Variants in MAF observed in about 807,000 individuals in gnomAD.
The protein encoded by MAF is MAF bZIP transcription factor, also known as transcription factor Maf.
In MAF, 10 loss-of-function variants were observed where a neutral mutation model predicts 22.0. The observed-to-expected ratio is 0.45, with a 90% CI of 0.28 to 0.77. MAF has a LOEUF of 0.77. MAF is among the 30% of genes least tolerant of loss of function. MAF has a pLI of 0.12. For missense variants in MAF, 544 were observed against 548.4 expected (o/e 0.99, Z 0.08); for synonymous variants, 337 against 255.8 (o/e 1.32, Z -3.03).
chr16:79,597,343 A>C (rs891427758), intron 1 of MAF: 2 of 1,040,534 alleles, frequency 1.9e-6, no homozygotes, highest in Admixed American at 5.6e-5. Context: ...ACATTTGACA[A>C]TGACCAAAAG....
the MAF span, among the ~76,000 whole-genome samples, chr16:79,536,230 G>A: frequency 2.0e-5 from 3 of 152,202 alleles, no homozygotes; most frequent in African/African-American, 7.2e-5. Context: ...TTAGAACATG[G>A]AATTCACTGC....
the MAF span, among the ~76,000 whole-genome samples, chr16:79,374,712 T>C: frequency 3.3e-5 from 5 of 152,318 alleles, no homozygotes; most frequent in East Asian, 7.7e-4. Flanking sequence ...ACGGCTCTCA[T>C]AGAGAAATGA....
At chr16:79,255,948 ATCTTT>A in the MAF span, among the ~76,000 whole-genome samples, 32 of 103,690 alleles carry the variant, frequency 3.1e-4, no homozygotes, top group East Asian at 1.6e-3. Flanking sequence ...AGATGTCTTT[ATCTTT>A]TCTTTTCTTT....
the MAF span, among the ~76,000 whole-genome samples, chr16:79,335,137 A>G: frequency 7.3e-5 from 11 of 150,532 alleles, no homozygotes; most frequent in Non-Finnish European, 1.2e-4. Context: ...GTAATCCAAG[A>G]TCGCGCCACT....
chr16:79,483,628 T>C, the MAF span, among the ~76,000 whole-genome samples: 1 of 152,114 alleles, frequency 6.6e-6, no homozygotes, highest in Non-Finnish European at 1.5e-5. Flanking sequence ...TGTCTGTCTG[T>C]TCTAGCAGAG....
the MAF span, among the ~76,000 whole-genome samples, chr16:79,299,253 C>T: frequency 1.3e-5 from 2 of 151,656 alleles, no homozygotes; most frequent in East Asian, 1.9e-4. Flanking sequence ...GTTCAGGATC[C>T]CAGGAACGCC....
At chr16:79,215,563 G>T in the MAF span, among the ~76,000 whole-genome samples, 3 of 152,098 alleles carry the variant, frequency 2.0e-5, no homozygotes, top group African/African-American at 7.2e-5. Flanking sequence ...CCGTGTCTAG[G>T]GCCTCTATGC....
intron 1 of MAF, chr16:79,596,321 C>A: frequency 9.4e-7 from 1 of 1,059,622 alleles, no homozygotes; most frequent in Non-Finnish European, 1.1e-6. Flanking sequence ...TATATGGGGC[C>A]AGCCTCCTCA....
At chr16:79,450,051 T>C in the MAF span, among the ~76,000 whole-genome samples, 1 of 152,218 alleles carries the variant, frequency 6.6e-6, no homozygotes, top group African/African-American at 2.4e-5. Context: ...GGGAAACCCA[T>C]GTTCCTCTTT....
chr16:79,368,744 A>T, the MAF span, among the ~76,000 whole-genome samples: 21 of 152,166 alleles, frequency 1.4e-4, no homozygotes, highest in African/African-American at 4.8e-4. Context: ...CTGCCTCGGG[A>T]CTTTTGCAAA....
the MAF span, among the ~76,000 whole-genome samples, chr16:79,405,100 G>A: frequency 0.017 from 2,634 of 152,216 alleles, 71 homozygotes; most frequent in African/African-American, 0.058. Flanking sequence ...CAATGATCTC[G>A]AATACTCCCA....
the MAF span, among the ~76,000 whole-genome samples, chr16:79,426,647 TC>T: frequency 3.3e-5 from 5 of 152,092 alleles, no homozygotes; most frequent in Non-Finnish European, 5.9e-5. Context: ...CATTGGTGAG[TC>T]CCCTGAGCCA....
chr16:79,401,031 C>T, the MAF span, among the ~76,000 whole-genome samples: 1 of 152,138 alleles, frequency 6.6e-6, no homozygotes, highest in East Asian at 1.9e-4. Context: ...GAGTCTTGGC[C>T]TTGTTCTCAA....
At chr16:79,431,928 G>T in the MAF span, among the ~76,000 whole-genome samples, 1 of 152,192 alleles carries the variant, frequency 6.6e-6, no homozygotes, top group Non-Finnish European at 1.5e-5. Context: ...AGACTGAGCT[G>T]CCAGTATAGT....
the MAF span, among the ~76,000 whole-genome samples, chr16:79,221,066 C>A: frequency 1.9e-3 from 285 of 152,324 alleles, no homozygotes; most frequent in African/African-American, 6.7e-3. Flanking sequence ...GCTCGTTTTG[C>A]CAGCCTTTTG....
the MAF span, among the ~76,000 whole-genome samples, chr16:79,468,766 G>A: frequency 2.0e-5 from 3 of 152,082 alleles, no homozygotes; most frequent in South Asian, 6.2e-4. Context: ...ATAATCCAGG[G>A]GGCAGAAAAG....
chr16:79,463,610 G>C, the MAF span, among the ~76,000 whole-genome samples: 1 of 152,162 alleles, frequency 6.6e-6, no homozygotes, highest in Admixed American at 6.5e-5. Context: ...TTGGCATCCA[G>C]TCTCTAGGTC....
the MAF span, among the ~76,000 whole-genome samples, chr16:79,280,102 G>T: frequency 1.3e-5 from 2 of 152,176 alleles, no homozygotes; most frequent in Non-Finnish European, 2.9e-5. Flanking sequence ...TCGATAAGCT[G>T]CCCTATTAAC....
the MAF span, among the ~76,000 whole-genome samples, chr16:79,518,174 G>A: frequency 1.3e-5 from 2 of 152,314 alleles, no homozygotes; most frequent in Non-Finnish European, 2.9e-5. Flanking sequence ...GATTTTGAGA[G>A]GATAAATCAT....
Sources: allele counts gnomAD v4.1 joint callset (sites outside exome capture counted in the v4.1 genomes callset), GRCh38; gene constraint gnomAD v4.1.1; transcripts MANE v1.5; gene names NCBI Gene and HGNC (gene_info 2026-07-23, HGNC 2026-07-21).